Variants in MDGA2 observed in about 807,000 individuals in gnomAD.
The protein encoded by MDGA2 is MAM domain-containing glycosylphosphatidylinositol anchor protein 2.
A neutral mutation model predicts 117.8 loss-of-function variants in MDGA2; 40 were observed. The observed-to-expected ratio is 0.34, with a 90% confidence interval of 0.26 to 0.44. The LOEUF (loss-of-function observed/expected upper bound fraction) is 0.44. Among genes scored for constraint, MDGA2 ranks in the 20% least tolerant of loss-of-function variants. The pLI, the probability that MDGA2 is intolerant of heterozygous loss-of-function variation, is 1.00. For missense variants in MDGA2, 1,123 were observed against 1,250.6 expected, an observed-to-expected ratio of 0.90 and a Z score of 1.54; for synonymous variants, 452 against 439.0, an observed-to-expected ratio of 1.03 and a Z score of -0.37.
At chr14:47,643,785 C>T (rs573453642) in intron 1 of MDGA2, among the ~76,000 whole-genome samples, 1 of 152,116 alleles carries the variant, frequency 6.6e-6, no homozygotes, top group South Asian at 2.1e-4. Context: ...TTAGGAACAA[C>T]CAAGGCCAGG....
At chr14:47,119,169 G>GCCCCCCCCCCCCCCCCCCCCCCCC (rs755946456) in intron 5 of MDGA2, among the ~76,000 whole-genome samples, 1 of 19,400 alleles carries the variant, frequency 5.2e-5, no homozygotes. Flanking sequence ...TCCTGCCTCA[G>GCCCCCCCCCCCCCCCCCCCCCCCC]CCCCGCCCCC....
Position 46,855,361 on chromosome 14 carries a change from T to C in MDGA2, c.2753-207A>G, listed in dbSNP as rs78385198. Among the ~76,000 whole-genome samples the C allele has an allele frequency of 4.6e-3, 695 of 152,258 alleles. 2 individuals are homozygous for C. The highest frequency in any genetic ancestry group is 0.016 in the African/African-American group (649 of 41,564). On this transcript the variant is annotated intron_variant, in intron 14 of 16. Coordinates refer to ENST00000399232, the MANE Select transcript of MDGA2 (RefSeq NM_001113498.3). The surrounding 1 kb of genome is among the most constrained non-coding windows in gnomAD (Gnocchi z 4.1). ...AACCATCTCCTAATTCCCTAGAACA[T>C]GTGCATGTTGCCTGATATTGCAAAA...
intron 1 of MDGA2, among the ~76,000 whole-genome samples, chr14:47,416,365 A>C (rs1251927714): frequency 6.6e-6 from 1 of 152,216 alleles, no homozygotes; most frequent in Non-Finnish European, 1.5e-5. Flanking sequence ...ATTTTCAAGA[A>C]TAATCTTCTT....
intron 1 of MDGA2, among the ~76,000 whole-genome samples, chr14:47,540,234 CG>C (rs1895315480): frequency 6.6e-6 from 1 of 151,980 alleles, no homozygotes; most frequent in Non-Finnish European, 1.5e-5. Flanking sequence ...AGGATCGTCT[CG>C]ATCTCCTGAC....
intron 1 of MDGA2, among the ~76,000 whole-genome samples, chr14:47,393,600 A>C (rs1178996768): frequency 6.6e-6 from 1 of 152,104 alleles, no homozygotes; most frequent in African/African-American, 2.4e-5. Context: ...GTCTGTTTCC[A>C]AGGACCAGCC....
chr14:47,406,720 T>C (rs1419932328), intron 1 of MDGA2, among the ~76,000 whole-genome samples: 2 of 152,084 alleles, frequency 1.3e-5, no homozygotes, highest in African/African-American at 4.8e-5. Flanking sequence ...TTTCATCCTA[T>C]GTTGAACATA....
intron 2 of MDGA2, among the ~76,000 whole-genome samples, chr14:47,298,112 C>A (rs1889140749): frequency 6.6e-6 from 1 of 151,886 alleles, no homozygotes; most frequent in South Asian, 2.1e-4. Context: ...TTATTATCAT[C>A]CCTAATATAT....
At chr14:47,173,170 T>G (rs1301866069) in intron 3 of MDGA2, among the ~76,000 whole-genome samples, 1 of 152,242 alleles carries the variant, frequency 6.6e-6, no homozygotes, top group Non-Finnish European at 1.5e-5. Flanking sequence ...AATCTACGTC[T>G]GATTGGTGTA....
At chr14:47,105,880 A>G (rs1054760660) in intron 5 of MDGA2, among the ~76,000 whole-genome samples, 2 of 151,770 alleles carry the variant, frequency 1.3e-5, no homozygotes, top group African/African-American at 4.8e-5. Context: ...GCTAGGTCCC[A>G]ATTCTTTCTC....
At chr14:47,641,251 C>T (rs994517717) in intron 1 of MDGA2, among the ~76,000 whole-genome samples, 4 of 152,050 alleles carry the variant, frequency 2.6e-5, no homozygotes, top group African/African-American at 9.7e-5. Flanking sequence ...TCCTAAATGA[C>T]CACGTCTGGT....
At chr14:47,603,202 C>T (rs1320266312) in intron 1 of MDGA2, among the ~76,000 whole-genome samples, 1 of 152,190 alleles carries the variant, frequency 6.6e-6, no homozygotes, top group Non-Finnish European at 1.5e-5. Context: ...TTTCCACCTT[C>T]AAAGATTTAA....
chr14:46,971,299 A>G (rs1886253426), intron 8 of MDGA2, among the ~76,000 whole-genome samples: 2 of 152,204 alleles, frequency 1.3e-5, no homozygotes, highest in South Asian at 4.1e-4. Flanking sequence ...AATAGCAAAG[A>G]TATAGAATCA....
At chr14:47,112,164 A>T (rs1881074919) in intron 5 of MDGA2, among the ~76,000 whole-genome samples, 1 of 152,178 alleles carries the variant, frequency 6.6e-6, no homozygotes, top group Non-Finnish European at 1.5e-5. Flanking sequence ...GATAAAAGAA[A>T]TGGGAAGAGA....
chr14:47,221,179 T>A (rs916980987), intron 2 of MDGA2, among the ~76,000 whole-genome samples: 4 of 151,942 alleles, frequency 2.6e-5, no homozygotes, highest in Non-Finnish European at 5.9e-5. Flanking sequence ...ACCTAGAAGT[T>A]TGGGTGGGAA....
chr14:47,434,774 C>T (rs1892864719), intron 1 of MDGA2, among the ~76,000 whole-genome samples: 2 of 152,000 alleles, frequency 1.3e-5, no homozygotes, highest in South Asian at 4.1e-4. Context: ...GTGTGGTGTG[C>T]ATAAATTTTG....
At chr14:47,481,467 C>T (rs185096681) in intron 1 of MDGA2, among the ~76,000 whole-genome samples, 5 of 152,070 alleles carry the variant, frequency 3.3e-5, no homozygotes, top group Admixed American at 1.3e-4. Context: ...TTCTTATAGA[C>T]ACTAATATCC....
intron 1 of MDGA2, among the ~76,000 whole-genome samples, chr14:47,339,523 T>C (rs1001765217): frequency 2.0e-5 from 3 of 151,990 alleles, no homozygotes; most frequent in Admixed American, 2.0e-4. Flanking sequence ...CTGGATGTAA[T>C]GAGTGAGTTC....
chr14:47,040,252 G>A (rs1299368645), intron 7 of MDGA2, among the ~76,000 whole-genome samples: 1 of 152,052 alleles, frequency 6.6e-6, no homozygotes. Flanking sequence ...GAAAAGTCTA[G>A]AGGAAAAGAA....
At chr14:46,880,186 G>A (rs1328474193) in intron 11 of MDGA2, among the ~76,000 whole-genome samples, 2 of 151,962 alleles carry the variant, frequency 1.3e-5, no homozygotes, top group African/African-American at 4.8e-5. Flanking sequence ...TTAGCTGGGC[G>A]TGGTGGCAAG....
Sources: gnomAD v4.1 joint callset for allele counts (sites outside exome capture counted in the v4.1 genomes callset) on GRCh38, gnomAD v4.1.1 for gene constraint, Gnocchi (gnomAD v3.1) non-coding constraint, MANE v1.5 for transcripts, NCBI Gene and HGNC (gene_info 2026-07-23, HGNC 2026-07-21) for gene names.